Variants in NFU1 observed in about 807,000 individuals in gnomAD.
NFU1 encodes NFU1 iron-sulfur cluster scaffold.
A neutral mutation model predicts 32.2 loss-of-function variants in NFU1; 30 were observed. The ratio of observed to expected loss-of-function variants is 0.93; its 90% CI spans 0.70 to 1.26. NFU1 has a LOEUF of 1.26. Among genes scored for constraint, NFU1 ranks in the 50% most tolerant of loss-of-function variants. The pLI, the probability that NFU1 is intolerant of heterozygous loss-of-function variation, is 0.00. For synonymous variants in NFU1, 112 were observed against 104.6 expected (o/e 1.07, Z -0.43); for missense variants, 306 against 306.6 (o/e 1.00, Z 0.02).
intron 5 of NFU1, among the ~76,000 whole-genome samples, chr2:69,414,935 G>A (rs899315734): frequency 1.1e-4 from 16 of 152,092 alleles, no homozygotes; most frequent in African/African-American, 3.9e-4. Flanking sequence ...TGTTAGATAT[G>A]AGTGGAGGGC....
intron 5 of NFU1, among the ~76,000 whole-genome samples, chr2:69,410,617 G>T (rs2104760393): frequency 6.6e-6 from 1 of 152,288 alleles, no homozygotes; most frequent in Admixed American, 6.5e-5. Flanking sequence ...TACTTGTAAA[G>T]TGCTTAGAAT....
At position 69,423,236 on chromosome 2, in the gene NFU1, CTGTGTGAGTG is replaced by C. The variant is rs1300062620; in HGVS notation, c.302+336_302+345del. ...GGGGGGGCGGGTAGAGATGGGCTCT[CTGTGTGAGTG>C]TGTGTGTGTGTGTGTGTGTGTGTGT... On this transcript the variant is annotated intron_variant, in intron 3 of 7. Coordinates refer to ENST00000410022, the MANE Select transcript of NFU1 (RefSeq NM_001002755.4). Among the ~76,000 whole-genome samples, 6 of 82,760 alleles carry C rather than the reference CTGTGTGAGTG, an allele frequency of 7.2e-5. 1 individual carries two copies. The highest frequency in any genetic ancestry group is 2.7e-4 in the African/African-American group (5 of 18,330). The allele number at this position is 82,760 out of a possible 152,430, so 54.3% of individuals were successfully genotyped here. A position where few individuals can be genotyped will look rare whatever the true frequency, so the allele number is the denominator to read the frequency against.
chr2:69,429,999 A>G, intron 2 of NFU1: 1 of 331,654 alleles, frequency 3.0e-6, no homozygotes, highest in South Asian at 2.3e-5. Flanking sequence ...ACTGCACTTT[A>G]GCCTGGGCAA....
intron 5 of NFU1, among the ~76,000 whole-genome samples, chr2:69,413,251 C>G (rs530070319): frequency 9.4e-5 from 14 of 149,066 alleles, no homozygotes; most frequent in Admixed American, 7.4e-4. Context: ...CGCCATTGCA[C>G]TCCAGCCTGG....
chr2:69,426,597 A>G (rs938249898), intron 2 of NFU1, among the ~76,000 whole-genome samples: 16 of 151,964 alleles, frequency 1.1e-4, no homozygotes. Flanking sequence ...CTCTTTTCTT[A>G]TAATATCTTT....
intron 1 of NFU1, 200 bp downstream of exon 1, chr2:69,437,161 G>C: frequency 8.3e-7 from 1 of 1,208,800 alleles, no homozygotes; most frequent in Non-Finnish European, 1.1e-6. Context: ...CAGAGAGTCC[G>C]CCCGGATTAG....
At chr2:69,416,207 C>T (rs1230337966) in intron 4 of NFU1, 1 of 150,758 alleles carries the variant, frequency 6.6e-6, no homozygotes, top group Admixed American at 6.6e-5. Context: ...ATATTAGCTC[C>T]ACATCTTAAA....
intron 6 of NFU1, among the ~76,000 whole-genome samples, chr2:69,405,023 C>T (rs998289402): frequency 4.6e-5 from 7 of 150,578 alleles, no homozygotes; most frequent in Admixed American, 1.3e-4. Flanking sequence ...TTGAGGTGGG[C>T]GGATCACAAG....
At chr2:69,437,572 C>G (rs760501292), upstream of NFU1, 178 of 949,230 alleles carry the variant, frequency 1.9e-4, no homozygotes, top group Non-Finnish European at 1.1e-4. Context: ...GGCCTACGCG[C>G]CGAGGTTTGC....
chr2:69,418,470 CTTT>C (rs1491456258), intron 4 of NFU1, among the ~76,000 whole-genome samples: 1 of 151,994 alleles, frequency 6.6e-6, no homozygotes, highest in Non-Finnish European at 1.5e-5. Context: ...AGTATGTCCC[CTTT>C]TTTTCTTTTT....
chr2:69,416,376 A>G (rs1173576345), intron 4 of NFU1, among the ~76,000 whole-genome samples: 1 of 147,604 alleles, frequency 6.8e-6, no homozygotes, highest in Non-Finnish European at 1.5e-5. Flanking sequence ...TAGTAATAAT[A>G]TTATTATTAA....
chr2:69,436,355 G>A (rs1382448843), intron 1 of NFU1, among the ~76,000 whole-genome samples: 1 of 152,134 alleles, frequency 6.6e-6, no homozygotes, highest in Non-Finnish European at 1.5e-5. Flanking sequence ...TCAAGGTTTG[G>A]GGTAAAAATG....
chr2:69,408,688 C>A (rs549695703), intron 5 of NFU1, among the ~76,000 whole-genome samples: 54 of 125,876 alleles, frequency 4.3e-4, no homozygotes, highest in African/African-American at 1.8e-3. Context: ...CCACTGCACT[C>A]CAGCCTGGGT....
chr2:69,417,490 AAT>A (rs201162543), intron 4 of NFU1, among the ~76,000 whole-genome samples: 20,875 of 146,280 alleles, frequency 0.14, 1,654 homozygotes, highest in Non-Finnish European at 0.15. Context: ...AATAAAAAAA[AAT>A]AAAAAAAAAA....
At chr2:69,406,875 G>C (rs988078693) in intron 5 of NFU1, among the ~76,000 whole-genome samples, 1 of 152,130 alleles carries the variant, frequency 6.6e-6, no homozygotes, top group Non-Finnish European at 1.5e-5. Flanking sequence ...GGAGGTAACT[G>C]AATCATGGGG....
intron 4 of NFU1, among the ~76,000 whole-genome samples, chr2:69,415,644 T>C (rs1673025099): frequency 6.6e-6 from 1 of 152,210 alleles, no homozygotes; most frequent in South Asian, 2.1e-4. Flanking sequence ...ATTTCAAAAT[T>C]ATTATACTTA....
chr2:69,396,093 CAT>C (rs761251169), downstream of NFU1: 4 of 636,550 alleles, frequency 6.3e-6, no homozygotes, highest in African/African-American at 5.5e-5. Context: ...ATAAATAACT[CAT>C]ATGAGGTAAA....
chr2:69,435,478 G>A (rs929573774), intron 1 of NFU1, among the ~76,000 whole-genome samples: 1 of 151,986 alleles, frequency 6.6e-6, no homozygotes, highest in Non-Finnish European at 1.5e-5. Flanking sequence ...AAGAAAGAGT[G>A]GGCACCAATT....
intron 1 of NFU1, among the ~76,000 whole-genome samples, chr2:69,432,329 T>C (rs1255902967): frequency 1.3e-5 from 2 of 151,908 alleles, no homozygotes; most frequent in African/African-American, 2.4e-5. Flanking sequence ...AATCCCAGCA[T>C]TTTGGGAGGC....
Sources: allele counts gnomAD v4.1 joint callset (sites outside exome capture counted in the v4.1 genomes callset), GRCh38; gene constraint gnomAD v4.1.1; transcripts MANE v1.5; gene names NCBI Gene and HGNC (gene_info 2026-07-23, HGNC 2026-07-21).